The following SLC22A15 variants were observed in gnomAD, a reference collection of about 807,000 sequenced individuals.
SLC22A15 encodes the protein solute carrier family 22 member 15.
Under a neutral mutation model 62.7 loss-of-function variants are expected in SLC22A15, and 45 were observed. The ratio of observed to expected loss-of-function variants is 0.72; its 90% CI spans 0.56 to 0.92. SLC22A15 has a LOEUF of 0.92. Among genes scored for constraint, SLC22A15 ranks in the 40% least tolerant of loss-of-function variants. SLC22A15 has a pLI of 0.00. For missense variants in SLC22A15, 622 were observed against 665.6 expected, an observed-to-expected ratio of 0.93 and a Z score of 0.72; for synonymous variants, 264 against 267.0, an observed-to-expected ratio of 0.99 and a Z score of 0.11.
chr1:116,012,939 A>G lies in SLC22A15; in HGVS notation c.301-6643A>G, dbSNP rs570145518. Among the ~76,000 whole-genome samples the G allele has an allele frequency of 2.0e-5, 3 of 152,294 alleles. No homozygotes were observed. The East Asian group carries it at 5.8e-4, about 29-fold the overall frequency. On this transcript the variant is annotated intron_variant, in intron 2 of 11. Coordinates refer to ENST00000369503, the MANE Select transcript of SLC22A15 (RefSeq NM_018420.3). ...GTCAGCCATGTGACCTTGAGGGCAAACAAGTGATATTATTCTCTACAGTGC... is the reference window on the plus strand; with the variant it reads ...GTCAGCCATGTGACCTTGAGGGCAAGCAAGTGATATTATTCTCTACAGTGC...
chr1:115,996,990 C>A (rs1689087), intron 2 of SLC22A15, among the ~76,000 whole-genome samples: 141,609 of 152,010 alleles, frequency 0.93, 66,036 homozygotes, highest in Middle Eastern at 0.99. Flanking sequence ...CTCTGGCTAG[C>A]ATGTCTAGCA....
chr1:116,067,121 TCCC>T lies in SLC22A15; in HGVS notation c.*16_*18del. 6.2e-7 allele frequency: 1 copy of T among 1,602,318 alleles called. No homozygotes were observed. The highest frequency in any genetic ancestry group is 1.7e-5 in the Admixed American group (1 of 58,856). On this transcript the variant is annotated 3_prime_UTR_variant, in exon 12 of 12. Coordinates refer to ENST00000369503, the MANE Select transcript of SLC22A15 (RefSeq NM_018420.3). ...GATGATCAAGTGAAGAGCCCCAGAT[TCCC>T]CCTAAGAAGCAAAGGATCGTCTTTT...
chr1:116,000,030 T>C (rs56976547), intron 2 of SLC22A15, among the ~76,000 whole-genome samples: 11,019 of 152,146 alleles, frequency 0.072, 1,351 homozygotes, highest in African/African-American at 0.25. Context: ...AGGCAACAGA[T>C]CATTGGGTCT....
intron 8 of SLC22A15, among the ~76,000 whole-genome samples, chr1:116,055,225 C>A (rs1658168948): frequency 6.6e-6 from 1 of 152,060 alleles, no homozygotes; most frequent in Non-Finnish European, 1.5e-5. Flanking sequence ...AAGGGGATAT[C>A]ACCACCTATC....
intron 2 of SLC22A15, among the ~76,000 whole-genome samples, chr1:116,019,373 G>A (rs1446248746): frequency 2.0e-5 from 3 of 152,204 alleles, no homozygotes; most frequent in Non-Finnish European, 4.4e-5. Flanking sequence ...AGAGTACTGT[G>A]GGAGTGCATC....
At chr1:116,034,319 C>T (rs1223737368) in intron 6 of SLC22A15, among the ~76,000 whole-genome samples, 1 of 152,042 alleles carries the variant, frequency 6.6e-6, no homozygotes, top group Non-Finnish European at 1.5e-5. Context: ...ATGCAGTTTC[C>T]TAGGCATAGA....
intron 6 of SLC22A15, 59 bp from the exon 7 acceptor site, chr1:116,035,128 G>A: frequency 6.4e-7 from 1 of 1,556,800 alleles, no homozygotes; most frequent in Non-Finnish European, 8.7e-7. Flanking sequence ...AAATTCTTAT[G>A]TACTTTTCTG....
At position 115,990,755 on chromosome 1, in the gene SLC22A15, TTTTTTTG is replaced by T. The variant is rs1253536050; in HGVS notation, c.88-1261_88-1255del. On this transcript the variant is annotated intron_variant, in intron 1 of 11. Coordinates refer to ENST00000369503, the MANE Select transcript of SLC22A15 (RefSeq NM_018420.3). ...ACCCAGAATGGAAACATCACATCTG[TTTTTTTG>T]TTTTTTGTTTTTTGATACGGAGTCT... Among the ~76,000 whole-genome samples, 4 of 152,122 alleles carry T rather than the reference TTTTTTTG, an allele frequency of 2.6e-5. No individual in the cohort carries two copies. In the East Asian group the frequency reaches 5.8e-4, roughly 22 times the overall value.
intron 6 of SLC22A15, among the ~76,000 whole-genome samples, chr1:116,033,585 G>A (rs1657519404): frequency 6.6e-6 from 1 of 151,532 alleles, no homozygotes; most frequent in African/African-American, 2.4e-5. Context: ...GTGTGTGTGT[G>A]TGTATGTGTG....
chr1:116,036,479 A>C (rs1657633005), intron 7 of SLC22A15, among the ~76,000 whole-genome samples: 1 of 152,138 alleles, frequency 6.6e-6, no homozygotes, highest in East Asian at 1.9e-4. Flanking sequence ...TCTGAAGCAG[A>C]GGGAAGGAAT....
intron 2 of SLC22A15, among the ~76,000 whole-genome samples, chr1:115,994,776 A>G (rs1218601446): frequency 1.3e-5 from 2 of 152,330 alleles, no homozygotes; most frequent in South Asian, 2.1e-4. Context: ...ACCACACCAC[A>G]GTTATCAATG....
chr1:116,034,283 CTATTT>C (rs1657551493), intron 6 of SLC22A15, among the ~76,000 whole-genome samples: 1 of 152,064 alleles, frequency 6.6e-6, no homozygotes, highest in Non-Finnish European at 1.5e-5. Context: ...TCATTCTATT[CTATTT>C]TGTTTTGTTT....
chr1:115,999,205 C>T (rs2101128163), intron 2 of SLC22A15, among the ~76,000 whole-genome samples: 1 of 152,304 alleles, frequency 6.6e-6, no homozygotes, highest in Non-Finnish European at 1.5e-5. Context: ...TGTGGTCTAT[C>T]TTTCAGCATG....
chr1:116,066,776 G>A (rs756661684), intron 11 of SLC22A15, 68 bp downstream of exon 11: 110 of 1,434,380 alleles, frequency 7.7e-5, no homozygotes, highest in African/African-American at 1.9e-4. Flanking sequence ...GAAGGTTTGC[G>A]TTAAATTAAA....
intron 5 of SLC22A15, among the ~76,000 whole-genome samples, chr1:116,028,215 G>A (rs1342803265): frequency 6.6e-6 from 1 of 151,936 alleles, no homozygotes; most frequent in Non-Finnish European, 1.5e-5. Context: ...AGTAGAAGTG[G>A]CCTATATTTT....
intron 2 of SLC22A15, among the ~76,000 whole-genome samples, chr1:115,996,961 CT>C (rs1461348845): frequency 2.0e-5 from 3 of 151,470 alleles, no homozygotes; most frequent in African/African-American, 7.3e-5. Flanking sequence ...ATCTGTATGC[CT>C]TTTGTTTTAC....
At chr1:116,035,403 A>G (rs2101467823) in intron 7 of SLC22A15, 76 bp downstream of exon 7, 1 of 1,291,584 alleles carries the variant, frequency 7.7e-7, no homozygotes, top group Non-Finnish European at 1.1e-6. Context: ...ATACACATGC[A>G]TATCTATATG....
Position 116,032,472 on chromosome 1 carries a change from G to T in SLC22A15, c.944+891G>T, listed in dbSNP as rs573128306. 4.3e-5 allele frequency: 42 copies of T among 985,372 alleles called. 1 individual carries two copies. In the South Asian group the frequency reaches 1.8e-3, roughly 43 times the overall value. The allele number at this position is 985,372 out of a possible 1,614,324, so 61.0% of individuals were successfully genotyped here. ...GCCCTACATTTCATGCAGGGATAAA[G>T]GAAAGTGATTTTATATGAAAGTGAT... On this transcript the variant is annotated intron_variant, in intron 6 of 11. Coordinates refer to ENST00000369503, the MANE Select transcript of SLC22A15 (RefSeq NM_018420.3).
At chr1:116,023,690 T>C (rs1339737440) in intron 4 of SLC22A15, among the ~76,000 whole-genome samples, 1 of 152,150 alleles carries the variant, frequency 6.6e-6, no homozygotes, top group East Asian at 1.9e-4. Context: ...TTCTGAAAAT[T>C]AGAAGTACAA....
Sources: allele counts gnomAD v4.1 joint callset (sites outside exome capture counted in the v4.1 genomes callset), GRCh38; gene constraint gnomAD v4.1.1; transcripts MANE v1.5; gene names NCBI Gene and HGNC (gene_info 2026-07-23, HGNC 2026-07-21).